The following ESF1 variants were observed in gnomAD, a reference collection of about 807,000 sequenced individuals.
ESF1 encodes ESF1 nucleolar pre-rRNA processing protein.
In ESF1, 58 loss-of-function variants were observed where a neutral mutation model predicts 92.0. The ratio of observed to expected loss-of-function variants is 0.63; its 90% CI spans 0.51 to 0.78. The LOEUF (loss-of-function observed/expected upper bound fraction) is 0.78. Among genes scored for constraint, ESF1 ranks in the 30% least tolerant of loss-of-function variants. The pLI is 0.00. For synonymous variants in ESF1, 321 were observed against 313.7 expected, an observed-to-expected ratio of 1.02 and a Z score of -0.24; for missense variants, 922 against 989.1, an observed-to-expected ratio of 0.93 and a Z score of 0.91.
intron 8 of ESF1, among the ~76,000 whole-genome samples, chr20:13,765,671 T>G (rs1460102296): frequency 6.6e-6 from 1 of 152,134 alleles, no homozygotes; most frequent in African/African-American, 2.4e-5. Context: ...CAATCTGAAG[T>G]AAACCAGCCC....
chr20:13,742,232 G>C (rs2050018007), intron 9 of ESF1, among the ~76,000 whole-genome samples: 1 of 152,090 alleles, frequency 6.6e-6, no homozygotes, highest in African/African-American at 2.4e-5. Context: ...GCCGGGTGTG[G>C]TGGTGGACGC....
At chr20:13,720,139 G>A (rs1340629413) in intron 11 of ESF1, among the ~76,000 whole-genome samples, 2 of 152,048 alleles carry the variant, frequency 1.3e-5, no homozygotes, top group Middle Eastern at 3.2e-3. Context: ...GAGACTTCTC[G>A]CCCAGGGTGA....
At chr20:13,735,731 T>C (rs1183782147) in intron 9 of ESF1, among the ~76,000 whole-genome samples, 2 of 152,176 alleles carry the variant, frequency 1.3e-5, no homozygotes, top group Non-Finnish European at 2.9e-5. Context: ...TGCATTAAGA[T>C]TGTATTACTT....
chr20:13,728,011 T>C (rs2049913503), intron 11 of ESF1, among the ~76,000 whole-genome samples: 1 of 152,258 alleles, frequency 6.6e-6, no homozygotes, highest in African/African-American at 2.4e-5. Context: ...CTAGAATGGA[T>C]ACGCTATTAA....
intron 11 of ESF1, 30 bp from the exon 12 acceptor site, chr20:13,719,014 A>T (rs1325424722): frequency 6.5e-7 from 1 of 1,528,330 alleles, no homozygotes; most frequent in Non-Finnish European, 8.9e-7. Flanking sequence ...TAAGAGTGGT[A>T]AAAATTACAG....
At chr20:13,737,666 T>G (rs1057123707) in intron 9 of ESF1, among the ~76,000 whole-genome samples, 4 of 152,172 alleles carry the variant, frequency 2.6e-5, no homozygotes, top group African/African-American at 9.7e-5. Context: ...ATAAGGCTTT[T>G]TTTTTGAGAC....
intron 9 of ESF1, among the ~76,000 whole-genome samples, chr20:13,747,263 A>T (rs1250990852): frequency 1.8e-4 from 3 of 16,360 alleles, no homozygotes; most frequent in East Asian, 0.015. Flanking sequence ...TTGTATATTA[A>T]AAAAAAAAAA....
At chr20:13,772,989 A>T (rs994112043) in intron 4 of ESF1, among the ~76,000 whole-genome samples, 1 of 152,232 alleles carries the variant, frequency 6.6e-6, no homozygotes, top group African/African-American at 2.4e-5. Context: ...CATGAAATAC[A>T]GAAAAATAAA....
At chr20:13,772,459 G>A in intron 5 of ESF1, 56 bp downstream of exon 5, 2 of 1,312,868 alleles carry the variant, frequency 1.5e-6, no homozygotes, top group African/African-American at 1.4e-5. Context: ...CCAGAATTCT[G>A]AACTAATGAC....
At chr20:13,767,157 T>A (rs963942019) in intron 7 of ESF1, among the ~76,000 whole-genome samples, 9 of 152,192 alleles carry the variant, frequency 5.9e-5, no homozygotes, top group Non-Finnish European at 1.3e-4. Flanking sequence ...GGATACTCCA[T>A]CACTGACAGT....
intron 9 of ESF1, among the ~76,000 whole-genome samples, chr20:13,745,412 T>C (rs908379655): frequency 6.6e-6 from 1 of 152,226 alleles, no homozygotes; most frequent in African/African-American, 2.4e-5. Flanking sequence ...CATATACACA[T>C]ATATGGATAT....
chr20:13,774,762 C>T (rs1055118426), intron 4 of ESF1, among the ~76,000 whole-genome samples: 1 of 152,176 alleles, frequency 6.6e-6, no homozygotes, highest in Non-Finnish European at 1.5e-5. Flanking sequence ...TTACAGTTTA[C>T]TTCACATAGG....
intron 9 of ESF1, among the ~76,000 whole-genome samples, chr20:13,759,408 C>T (rs554963697): frequency 3.1e-4 from 47 of 152,226 alleles, no homozygotes; most frequent in Admixed American, 1.4e-3. Flanking sequence ...CTTTAGAACA[C>T]GTGGTGCCTG....
At chr20:13,754,753 T>G (rs1393548863) in intron 9 of ESF1, among the ~76,000 whole-genome samples, 1 of 152,236 alleles carries the variant, frequency 6.6e-6, no homozygotes, top group Admixed American at 6.5e-5. Flanking sequence ...CAGATTTGAC[T>G]GCTCCTGAGC....
At chr20:13,781,447 T>C (rs558724372) in intron 2 of ESF1, among the ~76,000 whole-genome samples, 3 of 152,316 alleles carry the variant, frequency 2.0e-5, no homozygotes, top group East Asian at 3.9e-4. Context: ...TCCAAAATTA[T>C]GTATTTCTAC....
intron 12 of ESF1, among the ~76,000 whole-genome samples, chr20:13,718,050 T>C (rs1203000863): frequency 6.6e-6 from 1 of 152,146 alleles, no homozygotes; most frequent in Non-Finnish European, 1.5e-5. Context: ...AAATGTCTTT[T>C]TACACTAAAC....
chr20:13,761,005 C>CA (rs1979169803), intron 8 of ESF1, among the ~76,000 whole-genome samples: 1 of 152,098 alleles, frequency 6.6e-6, no homozygotes. Context: ...AAGAAGTAGA[C>CA]ATGGGAGACT....
At chr20:13,762,083 C>G (rs1362522849) in intron 8 of ESF1, among the ~76,000 whole-genome samples, 1 of 151,968 alleles carries the variant, frequency 6.6e-6, no homozygotes, top group Non-Finnish European at 1.5e-5. Context: ...GTCCTTGTAT[C>G]TTTTTTAATT....
chr20:13,724,938 C>A (rs1363050440), intron 11 of ESF1, among the ~76,000 whole-genome samples: 1 of 152,164 alleles, frequency 6.6e-6, no homozygotes, highest in Non-Finnish European at 1.5e-5. Flanking sequence ...TTCTCTCTTT[C>A]TCTGCCTAGG....
Sources: allele counts gnomAD v4.1 joint callset (sites outside exome capture counted in the v4.1 genomes callset), GRCh38; gene constraint gnomAD v4.1.1; transcripts MANE v1.5; gene names NCBI Gene and HGNC (gene_info 2026-07-23, HGNC 2026-07-21).